CAPZB: variants seen among roughly 807,000 people sequenced by gnomAD.
The protein encoded by CAPZB is F-actin-capping protein subunit beta.
A neutral mutation model predicts 38.1 loss-of-function variants in CAPZB; 2 were observed. The observed-to-expected ratio is 0.05, with a 90% CI of 0.02 to 0.17. CAPZB has a LOEUF of 0.17. Ranked by LOEUF, CAPZB falls within the 10% of genes least tolerant of loss-of-function variation. The probability of loss-of-function intolerance (pLI) is 1.00; values close to 1 mark genes in which losing one functional copy is unlikely to be tolerated. For missense variants in CAPZB, 161 were observed against 334.2 expected, an observed-to-expected ratio of 0.48 and a Z score of 4.04; for synonymous variants, 107 against 127.4, an observed-to-expected ratio of 0.84 and a Z score of 1.08.
intron 1 of CAPZB, chr1:19,484,420 AC>A (rs1289654356): frequency 6.6e-7 from 1 of 1,519,076 alleles, no homozygotes. Flanking sequence ...GGCGCCGTGG[AC>A]CCCGGCCTGC....
intron 4 of CAPZB, among the ~76,000 whole-genome samples, chr1:19,370,743 G>A (rs78475593): frequency 0.023 from 3,516 of 152,070 alleles, 58 homozygotes; most frequent in Non-Finnish European, 0.033. Flanking sequence ...GCATGCCTCC[G>A]AGGGACAGCA....
intron 8 of CAPZB, among the ~76,000 whole-genome samples, chr1:19,342,127 G>C (rs1257707907): frequency 1.3e-5 from 2 of 152,248 alleles, no homozygotes; most frequent in African/African-American, 4.8e-5. Context: ...AACAGCTGCA[G>C]CTCGTTAGGG....
intron 4 of CAPZB, among the ~76,000 whole-genome samples, chr1:19,363,259 A>AATT (rs2094063824): frequency 1.2e-5 from 1 of 83,506 alleles, no homozygotes; most frequent in South Asian, 4.7e-4. Context: ...TTAAAAAAAA[A>AATT]ATTTTTTTTT....
intron 1 of CAPZB, among the ~76,000 whole-genome samples, chr1:19,451,513 C>T (rs1417564392): frequency 1.3e-5 from 2 of 152,044 alleles, no homozygotes; most frequent in East Asian, 3.9e-4. Flanking sequence ...AATATGAATA[C>T]CACCCTACAG....
At chr1:19,477,855 G>A (rs528346769) in intron 1 of CAPZB, among the ~76,000 whole-genome samples, 5 of 152,298 alleles carry the variant, frequency 3.3e-5, no homozygotes, top group African/African-American at 1.2e-4. Flanking sequence ...GAGTAGCTGG[G>A]ACCACTGACA....
At chr1:19,367,755 T>C (rs939698784) in intron 4 of CAPZB, among the ~76,000 whole-genome samples, 72 of 152,190 alleles carry the variant, frequency 4.7e-4, no homozygotes, top group African/African-American at 1.7e-3. Flanking sequence ...AGAAGGCACA[T>C]CTGGACTGTG....
At chr1:19,350,186 C>A (rs545503275) in intron 6 of CAPZB, among the ~76,000 whole-genome samples, 1 of 152,380 alleles carries the variant, frequency 6.6e-6, no homozygotes, top group Middle Eastern at 3.4e-3. Flanking sequence ...TCTTCTAGCG[C>A]GACCCGCAGG....
At chr1:19,355,364 G>C (rs578147900) in intron 6 of CAPZB, among the ~76,000 whole-genome samples, 1 of 152,052 alleles carries the variant, frequency 6.6e-6, no homozygotes, top group Admixed American at 6.6e-5. Context: ...GCGTGGTGGT[G>C]CACGCTTGTA....
intron 4 of CAPZB, among the ~76,000 whole-genome samples, chr1:19,361,242 C>A (rs214303): frequency 6.6e-6 from 1 of 152,180 alleles, no homozygotes; most frequent in South Asian, 2.1e-4. Flanking sequence ...TCTCTCACTT[C>A]GAATCTGTTC....
chr1:19,358,530 A>G (rs1311211535), intron 4 of CAPZB, among the ~76,000 whole-genome samples: 1 of 152,222 alleles, frequency 6.6e-6, no homozygotes, highest in Non-Finnish European at 1.5e-5. Flanking sequence ...AGAAATGGGA[A>G]TCAGTCTGGG....
intron 1 of CAPZB, among the ~76,000 whole-genome samples, chr1:19,482,984 A>G (rs147877976): frequency 2.6e-4 from 40 of 152,350 alleles, no homozygotes; most frequent in African/African-American, 9.6e-4. Context: ...AGGTAAGTTC[A>G]TGGACACAGA....
intron 2 of CAPZB, among the ~76,000 whole-genome samples, chr1:19,402,876 C>T (rs186612430): frequency 1.1e-4 from 17 of 152,172 alleles, no homozygotes; most frequent in African/African-American, 4.1e-4. Flanking sequence ...GGTGAAACTC[C>T]ATCTCTACTA....
At position 19,356,594 on chromosome 1, in the gene CAPZB, C is replaced by T. The variant is rs572934556; in HGVS notation, c.588+41G>A. ...CTGCAGGTCAGCACTGAGGCCAGCA[C>T]CTGTGGGCACTGGCAAGTGGCTATG... On this transcript the variant is annotated intron_variant, in intron 6 of 8. Transcript: ENST00000264202. This position sits in a 1 kb window ranked among gnomAD's most constrained non-coding sequence, Gnocchi z 4.3. The T allele has an allele frequency of 4.4e-6, 6 of 1,355,232 alleles. No individual in the cohort carries two copies. Among genetic ancestry groups the T allele is most frequent in the Non-Finnish European group, 5.3e-6 (5 of 943,614 alleles). The allele number at this position is 1,355,232 out of a possible 1,614,324, so 84.0% of individuals were successfully genotyped here.
At chr1:19,434,808 A>G (rs558673208) in intron 1 of CAPZB, among the ~76,000 whole-genome samples, 8 of 152,064 alleles carry the variant, frequency 5.3e-5, no homozygotes, top group Non-Finnish European at 7.4e-5. Context: ...AGTCCCAGCT[A>G]TTTGGGAGGC....
At chr1:19,371,262 C>G (rs2094118070) in intron 4 of CAPZB, among the ~76,000 whole-genome samples, 1 of 152,212 alleles carries the variant, frequency 6.6e-6, no homozygotes, top group Admixed American at 6.5e-5. Flanking sequence ...CCTGCTACCC[C>G]ATCAGGTCCG....
At chr1:19,464,907 G>A (rs1397992669) in intron 1 of CAPZB, among the ~76,000 whole-genome samples, 1 of 152,138 alleles carries the variant, frequency 6.6e-6, no homozygotes, top group Non-Finnish European at 1.5e-5. Context: ...AGGGGGAAAA[G>A]GGCCAAAGGG....
At chr1:19,342,796 G>T (rs773938496) in intron 8 of CAPZB, 1 of 1,612,432 alleles carries the variant, frequency 6.2e-7, no homozygotes, top group Non-Finnish European at 8.5e-7. Context: ...CTGGCGCTGG[G>T]TCAGCACTTG....
intron 2 of CAPZB, among the ~76,000 whole-genome samples, chr1:19,417,244 T>C (rs997532297): frequency 6.6e-6 from 1 of 152,118 alleles, no homozygotes; most frequent in African/African-American, 2.4e-5. Flanking sequence ...AAGAACAAAA[T>C]AGCCTATTAA....
chr1:19,385,280 G>A (rs1173878811), intron 3 of CAPZB, among the ~76,000 whole-genome samples: 5 of 152,186 alleles, frequency 3.3e-5, no homozygotes, highest in African/African-American at 4.8e-5. Flanking sequence ...ATGCTTGTGG[G>A]TGGCACTCTT....
Sources: allele counts gnomAD v4.1 joint callset (sites outside exome capture counted in the v4.1 genomes callset), GRCh38; gene constraint gnomAD v4.1.1; non-coding constraint Gnocchi (gnomAD v3.1); transcripts MANE v1.5; gene names NCBI Gene and HGNC (gene_info 2026-07-23, HGNC 2026-07-21).